CACNA1C: variants seen among roughly 807,000 people sequenced by gnomAD.
CACNA1C encodes voltage-dependent L-type calcium channel subunit alpha-1C.
Under a neutral mutation model 229.0 loss-of-function variants are expected in CACNA1C, and 30 were observed. The observed-to-expected ratio is 0.13, with a 90% CI of 0.10 to 0.18. The LOEUF is 0.18. Among genes scored for constraint, CACNA1C ranks in the 10% least tolerant of loss-of-function variants. CACNA1C has a pLI of 1.00. For missense variants in CACNA1C, 1,658 were observed against 2,845.0 expected (o/e 0.58, Z 9.49); for synonymous variants, 1,114 against 1,132.5 (o/e 0.98, Z 0.33).
At chr12:2,085,781 C>T (rs1204599088) in intron 1 of CACNA1C, among the ~76,000 whole-genome samples, 1 of 152,206 alleles carries the variant, frequency 6.6e-6, no homozygotes, top group Non-Finnish European at 1.5e-5. Context: ...TGCACTGAGG[C>T]CTTTGCTAGC....
intron 1 of CACNA1C, among the ~76,000 whole-genome samples, chr12:2,110,212 T>C (rs1440495014): frequency 2.0e-5 from 3 of 152,230 alleles, no homozygotes; most frequent in Non-Finnish European, 4.4e-5. Context: ...CAGACCGTGC[T>C]GGGGTCCTGC....
intron 1 of CACNA1C, among the ~76,000 whole-genome samples, chr12:2,044,907 T>C (rs1051868710): frequency 3.9e-5 from 6 of 152,146 alleles, no homozygotes; most frequent in Non-Finnish European, 5.9e-5. Flanking sequence ...TGTGTGGAAT[T>C]CTAAGAGAGA....
chr12:2,028,896 A>C (rs2047763111), intron 1 of CACNA1C, among the ~76,000 whole-genome samples: 1 of 152,236 alleles, frequency 6.6e-6, no homozygotes, highest in Non-Finnish European at 1.5e-5. Flanking sequence ...AGTTGGAATC[A>C]TCAGTCTTTC....
In CACNA1C at chr12:2,361,833, A is replaced by G. The variant is rs115947111; in HGVS notation, c.478-87143A>G. 2.0e-3 allele frequency among the ~76,000 whole-genome samples: 311 copies of G among 152,376 alleles called. 1 individual carries two copies. Among genetic ancestry groups the G allele is most frequent in the African/African-American group, 7.2e-3 (299 of 41,596 alleles). ...TCAAAGGCAAAGGGTAGCCCTGATA[A>G]GCAAATGCCACTGCTGAGTTGCTCA... is the stretch of plus-strand genomic sequence containing the variant. On this transcript the variant is annotated intron_variant, in intron 3 of 46. Transcript: ENST00000399655.
intron 9 of CACNA1C, among the ~76,000 whole-genome samples, chr12:2,543,626 G>C (rs1283964680): frequency 6.6e-6 from 1 of 152,204 alleles, no homozygotes; most frequent in Non-Finnish European, 1.5e-5. Context: ...CTTCTTCCAG[G>C]TGAGACATTT....
chr12:2,297,261 A>T (rs1044458862), intron 3 of CACNA1C, among the ~76,000 whole-genome samples: 4 of 152,202 alleles, frequency 2.6e-5, no homozygotes, highest in Admixed American at 6.5e-5. Context: ...TGTGTTAGTG[A>T]CAGCAGCATT....
Position 2,691,070 on chromosome 12 carries a change from C to G in CACNA1C, c.6288C>G (p.Pro2096=), listed in dbSNP as rs752758867. 4 of 1,610,554 alleles carry G rather than the reference C, an allele frequency of 2.5e-6. No individual in the cohort carries two copies. Among genetic ancestry groups the G allele is most frequent in the Non-Finnish European group, 3.4e-6 (4 of 1,178,656 alleles). The change falls in exon 47 of 47, where the codon CCC becomes CCG. Residue 2096 remains proline (P), a synonymous_variant. Coordinates refer to ENST00000399655, the MANE Select transcript of CACNA1C (RefSeq NM_000719.7). ...APQSPNGALL[P]FVNCRDAGQD... is the part of the protein sequence containing the mutation. ...AGAGCCCCAATGGCGCCCTCTTACC[C>G]TTTGTGAACTGCAGGGACGCGGGGC...
intron 3 of CACNA1C, among the ~76,000 whole-genome samples, chr12:2,120,656 C>CTGTGTGTGTGTGTGTGTG (rs112680750): frequency 4.9e-4 from 68 of 139,850 alleles, no homozygotes; most frequent in African/African-American, 1.7e-3. Context: ...GTGGTGAGCT[C>CTGTGTGTGTGTGTGTGTG]TGTGTGTGTG....
chr12:2,256,689 C>T (rs1233556570), intron 3 of CACNA1C, among the ~76,000 whole-genome samples: 2 of 152,068 alleles, frequency 1.3e-5, no homozygotes, highest in African/African-American at 4.8e-5. Flanking sequence ...GTCAGCATTG[C>T]AGCCACATCC....
rs3085990 is a variant in CACNA1C at position 2,067,481 on chromosome 12, T to TGTGTGTGCGCGC, written c.49+13871_49+13872insTGTGTGCGCGCG. Among the ~76,000 whole-genome samples, 7 of 140,892 alleles carry TGTGTGTGCGCGC rather than the reference T, an allele frequency of 5.0e-5. No individual in the cohort carries two copies. Among genetic ancestry groups the TGTGTGTGCGCGC allele is most frequent in the Non-Finnish European group, 6.1e-5 (4 of 65,680 alleles). The allele number at this position is 140,892 out of a possible 152,430, so 92.4% of individuals were successfully genotyped here. A position where few individuals can be genotyped will look rare whatever the true frequency, so the allele number is the denominator to read the frequency against. On this transcript the variant is annotated intron_variant, in intron 1 of 46. Transcript: ENST00000399655. This position sits in a 1 kb window ranked among gnomAD's most constrained non-coding sequence, Gnocchi z 5.3. ...GTGTGTGTGTGTGTGTGTGTGTGTG[T>TGTGTGTGCGCGC]GCGCGCGTGTGCGTGCCTGTATGTA...
chr12:2,117,428 A>G (rs2084418203), intron 2 of CACNA1C, among the ~76,000 whole-genome samples: 1 of 152,240 alleles, frequency 6.6e-6, no homozygotes, highest in Non-Finnish European at 1.5e-5. Flanking sequence ...AGTCAGCCCC[A>G]TAGGACTGCT....
At chr12:2,090,548 C>A (rs2070346599) in intron 1 of CACNA1C, among the ~76,000 whole-genome samples, 3 of 152,100 alleles carry the variant, frequency 2.0e-5, no homozygotes, top group South Asian at 4.1e-4. Flanking sequence ...GAACTCCTGA[C>A]CTCAAGTGAT....
intron 9 of CACNA1C, among the ~76,000 whole-genome samples, chr12:2,530,154 T>C (rs552923803): frequency 1.6e-4 from 25 of 152,356 alleles, no homozygotes; most frequent in Admixed American, 1.4e-3. Flanking sequence ...AGCATCTAAT[T>C]TGTAAATTCC....
intron 1 of CACNA1C, among the ~76,000 whole-genome samples, chr12:2,025,512 C>T (rs1593942755): frequency 6.6e-6 from 1 of 152,246 alleles, no homozygotes; most frequent in Admixed American, 6.5e-5. Flanking sequence ...TCTAAGCCTC[C>T]AAAATGGTTC....
chr12:2,000,645 T>C (rs1417387619), intron 1 of CACNA1C, among the ~76,000 whole-genome samples: 1 of 152,214 alleles, frequency 6.6e-6, no homozygotes, highest in Non-Finnish European at 1.5e-5. Context: ...GAAGGAGTTG[T>C]GTTTCAGTAA....
rs1340910672 is a variant in CACNA1C at position 2,597,337 on chromosome 12, A to T, written c.2853+48A>T. On this transcript the variant is annotated intron_variant, in intron 21 of 46. Transcript: ENST00000399655. The surrounding 1 kb of genome is among the most constrained non-coding windows in gnomAD (Gnocchi z 4.3). Reference sequence around the variant, plus strand: ...CTCCTCCTGTCCCCCTTGTGCCAGCACCAGGTCTCTGCCGCTGTCTGTCGC... The same window carrying T: ...CTCCTCCTGTCCCCCTTGTGCCAGCTCCAGGTCTCTGCCGCTGTCTGTCGC... 5 of 1,524,880 alleles carry T rather than the reference A, an allele frequency of 3.3e-6. No homozygotes were observed. The African/African-American group carries it at 6.8e-5, about 21-fold the overall frequency. The allele number at this position is 1,524,880 out of a possible 1,614,324, so 94.5% of individuals were successfully genotyped here.
chr12:2,050,366 T>A (rs528772481), upstream of CACNA1C, among the ~76,000 whole-genome samples: 10 of 152,314 alleles, frequency 6.6e-5, no homozygotes, highest in East Asian at 1.9e-3. Context: ...GGGATAATCA[T>A]GACGATAACA....
In CACNA1C at chr12:2,054,761, G is replaced by C. The variant is rs1488311855; in HGVS notation, c.49+1150G>C. On this transcript the variant is annotated intron_variant, in intron 1 of 46. Transcript: ENST00000399655. This position sits in a 1 kb window ranked among gnomAD's most constrained non-coding sequence, Gnocchi z 5.5. ...TCCCTTTTCTCTCCCAGTTCCCAGA[G>C]CCTCCCTGTTTGCACTCTTCCTCTT... Among the ~76,000 whole-genome samples the C allele has an allele frequency of 6.6e-6, 1 of 152,122 alleles. No individual in the cohort carries two copies. Among genetic ancestry groups the C allele is most frequent in the African/African-American group, 2.4e-5 (1 of 41,420 alleles).
intron 3 of CACNA1C, among the ~76,000 whole-genome samples, chr12:2,380,325 A>G (rs2098205343): frequency 6.6e-6 from 1 of 152,208 alleles, no homozygotes; most frequent in Admixed American, 6.5e-5. Context: ...AAGCTTTAAC[A>G]CGTGACGCTG....
Sources: allele counts gnomAD v4.1 joint callset (sites outside exome capture counted in the v4.1 genomes callset), GRCh38; gene constraint gnomAD v4.1.1; non-coding constraint Gnocchi (gnomAD v3.1); transcripts MANE v1.5; gene names NCBI Gene and HGNC (gene_info 2026-07-23, HGNC 2026-07-21).